Variants in SDK1 observed in about 807,000 individuals in gnomAD.
The protein encoded by SDK1 is protein sidekick-1.
SDK1 carries 157 observed loss-of-function variants against 245.5 expected under a neutral mutation model. That is an observed-to-expected ratio of 0.64 (90% CI 0.56 to 0.73). The LOEUF is 0.73. Among genes scored for constraint, SDK1 ranks in the 30% least tolerant of loss-of-function variants. The probability of loss-of-function intolerance (pLI) is 0.00; values close to 1 mark genes in which losing one functional copy is unlikely to be tolerated. For synonymous variants in SDK1, 1,647 were observed against 1,278.5 expected (o/e 1.29, Z -6.15); for missense variants, 3,583 against 3,002.3 (o/e 1.19, Z -4.52).
At chr7:3,587,141 G>A (rs1189079672) in intron 1 of SDK1, among the ~76,000 whole-genome samples, 1 of 152,164 alleles carries the variant, frequency 6.6e-6, no homozygotes, top group Non-Finnish European at 1.5e-5. Flanking sequence ...AGTCCTAACA[G>A]AACTCTGCTG....
At chr7:4,155,893 C>T (rs891800852) in intron 30 of SDK1, among the ~76,000 whole-genome samples, 2 of 152,120 alleles carry the variant, frequency 1.3e-5, no homozygotes, top group African/African-American at 4.8e-5. Flanking sequence ...AAGGAAATGT[C>T]ACCCATCATG....
chr7:3,962,562 TA>T, intron 8 of SDK1, 94 bp from the exon 9 acceptor site: 1 of 1,101,310 alleles, frequency 9.1e-7, no homozygotes, highest in Non-Finnish European at 1.3e-6. Flanking sequence ...AAATGCCTAT[TA>T]AAATATTGGC....
At chr7:3,810,006 T>C (rs1166912530) in intron 4 of SDK1, among the ~76,000 whole-genome samples, 1 of 152,250 alleles carries the variant, frequency 6.6e-6, no homozygotes, top group Non-Finnish European at 1.5e-5. Flanking sequence ...AATATTCTTG[T>C]ATCTGCTGTG....
At chr7:3,446,495 T>TGA (rs1213508881) in intron 1 of SDK1, among the ~76,000 whole-genome samples, 2 of 152,142 alleles carry the variant, frequency 1.3e-5, no homozygotes, top group African/African-American at 4.8e-5. Context: ...TCTTTGACTT[T>TGA]GAGTAGAATC....
chr7:3,896,018 C>T (rs1262540239), intron 5 of SDK1, among the ~76,000 whole-genome samples: 1 of 152,096 alleles, frequency 6.6e-6, no homozygotes, highest in African/African-American at 2.4e-5. Flanking sequence ...GGCATATGTT[C>T]TGTGTGCACT....
rs562130426 is a variant in SDK1, at chr7:4,214,689, A to G, written c.5539+4527A>G. Among the ~76,000 whole-genome samples the G allele has an allele frequency of 2.0e-5, 3 of 152,256 alleles. 1 individual carries two copies. The highest frequency in any genetic ancestry group is 7.2e-5 in the African/African-American group (3 of 41,544). On this transcript the variant is annotated intron_variant, in intron 38 of 44. Coordinates refer to ENST00000404826, the MANE Select transcript of SDK1 (RefSeq NM_152744.4). ...TGCTGGGGGCTTGGGCACGTTCCAG[A>G]CTTCGGATTCCTGCACATCAGTCAA...
At chr7:4,071,834 T>G (rs1780275684) in intron 20 of SDK1, among the ~76,000 whole-genome samples, 2 of 152,212 alleles carry the variant, frequency 1.3e-5, no homozygotes, top group African/African-American at 4.8e-5. Flanking sequence ...CCCAGTCGCC[T>G]TTCAGGTCTG....
At chr7:4,049,070 G>C (rs985539818) in intron 17 of SDK1, among the ~76,000 whole-genome samples, 1 of 152,180 alleles carries the variant, frequency 6.6e-6, no homozygotes, top group African/African-American at 2.4e-5. Context: ...GTCCGTCTTG[G>C]AACCACAGGA....
At chr7:3,819,754 T>G (rs940485974) in intron 4 of SDK1, among the ~76,000 whole-genome samples, 74 of 152,242 alleles carry the variant, frequency 4.9e-4, no homozygotes, top group African/African-American at 1.6e-3. Flanking sequence ...CCTCAAACAG[T>G]AATATATCCT....
At chr7:4,214,970 C>G (rs1192220770) in intron 38 of SDK1, among the ~76,000 whole-genome samples, 1 of 152,230 alleles carries the variant, frequency 6.6e-6, no homozygotes, top group Admixed American at 6.5e-5. Context: ...GGGCAGGACT[C>G]AGCAACCCTG....
intron 1 of SDK1, among the ~76,000 whole-genome samples, chr7:3,349,092 C>T (rs186863995): frequency 6.8e-4 from 103 of 152,154 alleles, no homozygotes; most frequent in Admixed American, 1.3e-3. Context: ...TCAGTTTTGT[C>T]GTTCTCATTT....
rs539536735 is a variant in SDK1, at chr7:3,488,062, A to C, written c.299-131018A>C. Among the ~76,000 whole-genome samples the C allele has an allele frequency of 2.0e-5, 3 of 152,266 alleles. No individual in the cohort carries two copies. The East Asian group carries it at 5.8e-4, about 29-fold the overall frequency. ...AGGCTTGTTTCCCCCACACCTTTCA[A>C]AGAAGTCTCTTGGTCTAATTTTTCA... is the stretch of plus-strand genomic sequence containing the variant. On this transcript the variant is annotated intron_variant, in intron 1 of 44. Coordinates refer to ENST00000404826, the MANE Select transcript of SDK1 (RefSeq NM_152744.4).
chr7:3,974,363 C>G lies in SDK1; in HGVS notation c.1818-6C>G, dbSNP rs377293448. On this transcript the variant is annotated splice_region_variant and splice_polypyrimidine_tract_variant and intron_variant, in intron 12 of 44. Coordinates refer to ENST00000404826, the MANE Select transcript of SDK1 (RefSeq NM_152744.4). Reference sequence around the variant, plus strand: ...TGTAACTCAAGACCCTTTGCTTGGCCCACAGCTACGTTTGGAAGAAGGACA... The same window carrying G: ...TGTAACTCAAGACCCTTTGCTTGGCGCACAGCTACGTTTGGAAGAAGGACA... 5 of 1,609,396 alleles carry G rather than the reference C, an allele frequency of 3.1e-6. No homozygotes were observed. The African/African-American group carries it at 5.3e-5, about 17-fold the overall frequency.
At chr7:3,876,980 A>G (rs1781092230) in intron 5 of SDK1, among the ~76,000 whole-genome samples, 1 of 152,244 alleles carries the variant, frequency 6.6e-6, no homozygotes, top group African/African-American at 2.4e-5. Flanking sequence ...GCTAAGATAA[A>G]TACCTTCTGT....
At chr7:3,357,617 G>C (rs1052491473) in intron 1 of SDK1, among the ~76,000 whole-genome samples, 12 of 151,858 alleles carry the variant, frequency 7.9e-5, no homozygotes, top group Admixed American at 7.9e-4. Flanking sequence ...CGAAGTGCTG[G>C]GATGACAGGC....
At position 3,580,996 on chromosome 7, in the gene SDK1, C is replaced by CAAAAAAAAAAAAAAAAAAAAAAA. The variant is rs1418335916; in HGVS notation, c.299-38080_299-38079insAAAAAAAAAAAAAAAAAAAAAAA. Among the ~76,000 whole-genome samples, 6 of 92,952 alleles carry CAAAAAAAAAAAAAAAAAAAAAAA rather than the reference C, an allele frequency of 6.5e-5. 1 individual carries two copies. The highest frequency in any genetic ancestry group is 1.3e-4 in the African/African-American group (3 of 22,482). The allele number at this position is 92,952 out of a possible 152,430, so 61.0% of individuals were successfully genotyped here. A position where few individuals can be genotyped will look rare whatever the true frequency, so the allele number is the denominator to read the frequency against. The stretch of plus-strand genomic sequence containing the variant: ...AAAAAAAAAAAAAAAAAAAAAAAAC[C>CAAAAAAAAAAAAAAAAAAAAAAA]AAAACAAAACCCTGGAAGACAATCT... On this transcript the variant is annotated intron_variant, in intron 1 of 44. Coordinates refer to ENST00000404826, the MANE Select transcript of SDK1 (RefSeq NM_152744.4).
chr7:3,368,417 A>G (rs1781143735), intron 1 of SDK1, among the ~76,000 whole-genome samples: 1 of 152,230 alleles, frequency 6.6e-6, no homozygotes, highest in African/African-American at 2.4e-5. Context: ...ATGGATTTCA[A>G]ATCCCATATC....
chr7:4,051,606 C>G, intron 18 of SDK1, 32 bp from the exon 19 acceptor site: 1 of 1,583,350 alleles, frequency 6.3e-7, no homozygotes, highest in Non-Finnish European at 8.6e-7. Context: ...CCATTGAAAA[C>G]AGGCTGTCTT....
intron 5 of SDK1, among the ~76,000 whole-genome samples, chr7:3,907,752 T>C (rs1779002657): frequency 1.3e-5 from 2 of 152,202 alleles, no homozygotes; most frequent in Non-Finnish European, 2.9e-5. Flanking sequence ...TCTTACATCA[T>C]CCCTCATCTG....
Sources: gnomAD v4.1 joint callset for allele counts (sites outside exome capture counted in the v4.1 genomes callset) on GRCh38, gnomAD v4.1.1 for gene constraint, MANE v1.5 for transcripts, NCBI Gene and HGNC (gene_info 2026-07-23, HGNC 2026-07-21) for gene names.